TMEM178B: variants seen among roughly 807,000 people sequenced by gnomAD.
TMEM178B encodes transmembrane protein 178B.
In TMEM178B, 5 loss-of-function variants were observed where a neutral mutation model predicts 31.0. The ratio of observed to expected loss-of-function variants is 0.16; its 90% CI spans 0.08 to 0.34. TMEM178B has a LOEUF of 0.34. Ranked by LOEUF, TMEM178B falls within the 10% of genes least tolerant of loss-of-function variation. The probability of loss-of-function intolerance (pLI) is 1.00; values close to 1 mark genes in which losing one functional copy is unlikely to be tolerated. For synonymous variants in TMEM178B, 164 were observed against 164.0 expected (o/e 1.00, Z 0.00); for missense variants, 275 against 400.3 (o/e 0.69, Z 2.67).
rs1006205156 is a variant in TMEM178B, at chr7:141,437,474, T to C, written c.497-134T>C. ...TCCCTCTGCAAAGATTGTGTGCTCC[T>C]ATCTGAGAAGGGCAGGTTGCCTTCC... On this transcript the variant is annotated intron_variant, in intron 2 of 3. Transcript: ENST00000565468. 8 of 1,185,948 alleles carry C rather than the reference T, an allele frequency of 6.7e-6. No homozygotes were observed. The South Asian group carries it at 1.2e-4, about 18-fold the overall frequency. 73.5% of individuals were successfully genotyped at this position (1,185,948 alleles called of 1,614,324 possible).
chr7:141,217,478 T>C (rs1797176111), intron 2 of TMEM178B, among the ~76,000 whole-genome samples: 1 of 152,166 alleles, frequency 6.6e-6, no homozygotes, highest in South Asian at 2.1e-4. Context: ...AGCTGGGCCT[T>C]GGCTGCCCCA....
intron 2 of TMEM178B, among the ~76,000 whole-genome samples, chr7:141,281,775 G>A (rs1034105441): frequency 1.3e-5 from 2 of 152,202 alleles, no homozygotes; most frequent in South Asian, 4.1e-4. Flanking sequence ...TGTGTGCAAA[G>A]GGAGGGACAC....
At chr7:141,087,158 C>T (rs2129171774) in intron 1 of TMEM178B, among the ~76,000 whole-genome samples, 1 of 152,266 alleles carries the variant, frequency 6.6e-6, no homozygotes. Flanking sequence ...AGGAAAATTA[C>T]CAGAAAACTT....
intron 1 of TMEM178B, among the ~76,000 whole-genome samples, chr7:141,089,288 G>A (rs558186665): frequency 1.3e-5 from 2 of 152,342 alleles, no homozygotes; most frequent in South Asian, 4.1e-4. Flanking sequence ...TAAGGGATTA[G>A]CAGGCACTGG....
chr7:141,163,080 G>T (rs886395666), intron 1 of TMEM178B, among the ~76,000 whole-genome samples: 2 of 152,210 alleles, frequency 1.3e-5, no homozygotes, highest in Non-Finnish European at 2.9e-5. Flanking sequence ...TGTCTTCAGG[G>T]TGCAATAGAT....
At chr7:141,349,024 A>C (rs1167833131) in intron 2 of TMEM178B, among the ~76,000 whole-genome samples, 2 of 152,186 alleles carry the variant, frequency 1.3e-5, no homozygotes, top group African/African-American at 4.8e-5. Context: ...AAGATCAAGA[A>C]ATAACAAATA....
intron 2 of TMEM178B, among the ~76,000 whole-genome samples, chr7:141,437,202 C>T (rs1801561361): frequency 6.6e-6 from 1 of 152,176 alleles, no homozygotes; most frequent in South Asian, 2.1e-4. Context: ...GCTGGGAGTG[C>T]TAGACAGGTC....
At chr7:141,356,910 T>G (rs1799829761) in intron 2 of TMEM178B, among the ~76,000 whole-genome samples, 1 of 152,176 alleles carries the variant, frequency 6.6e-6, no homozygotes, top group Non-Finnish European at 1.5e-5. Context: ...CCATAAAATA[T>G]ATCCTAAATC....
intron 2 of TMEM178B, among the ~76,000 whole-genome samples, chr7:141,341,129 C>G (rs1176785824): frequency 6.6e-6 from 1 of 152,182 alleles, no homozygotes; most frequent in Non-Finnish European, 1.5e-5. Flanking sequence ...CTGTTTTTGA[C>G]CCCGTTTGGA....
In TMEM178B at chr7:141,458,874, G is replaced by A. The variant is rs60646192; in HGVS notation, c.635-11662G>A. ...CATGGGTGCATGCACCTGTGCGCAC[G>A]CACACACACACACATACACACAAAC... On this transcript the variant is annotated intron_variant, in intron 3 of 3. Coordinates refer to ENST00000565468, the MANE Select transcript of TMEM178B (RefSeq NM_001195278.2). Among the ~76,000 whole-genome samples, 29 of 151,542 alleles carry A rather than the reference G, an allele frequency of 1.9e-4. 1 individual carries two copies. Among genetic ancestry groups the A allele is most frequent in the Non-Finnish European group, 4.4e-5 (3 of 67,846 alleles).
chr7:141,154,885 A>G (rs998422754), intron 1 of TMEM178B, among the ~76,000 whole-genome samples: 1 of 151,910 alleles, frequency 6.6e-6, no homozygotes, highest in Non-Finnish European at 1.5e-5. Flanking sequence ...GCACACCACC[A>G]TATCTAATTA....
At chr7:141,122,539 G>T (rs557233527) in intron 1 of TMEM178B, among the ~76,000 whole-genome samples, 1 of 152,180 alleles carries the variant, frequency 6.6e-6, no homozygotes, top group African/African-American at 2.4e-5. Flanking sequence ...CCTAGGAATG[G>T]TGGTTCACCT....
chr7:141,336,011 G>A (rs764277863), intron 2 of TMEM178B, among the ~76,000 whole-genome samples: 10 of 152,152 alleles, frequency 6.6e-5, no homozygotes, highest in Non-Finnish European at 1.2e-4. Flanking sequence ...ATGAAACACC[G>A]TCTCACTACT....
the TMEM178B span, among the ~76,000 whole-genome samples, chr7:141,495,032 A>T: frequency 2.6e-5 from 4 of 152,226 alleles, no homozygotes; most frequent in African/African-American, 9.6e-5. Flanking sequence ...AGTAAAGTTT[A>T]TTAAATAGTA....
intron 1 of TMEM178B, among the ~76,000 whole-genome samples, chr7:141,079,337 A>T (rs1794647824): frequency 6.6e-6 from 1 of 152,190 alleles, no homozygotes; most frequent in Non-Finnish European, 1.5e-5. Context: ...GCCACATTTC[A>T]AATGTTCAGT....
At chr7:141,078,635 A>G (rs1229608414) in intron 1 of TMEM178B, among the ~76,000 whole-genome samples, 1 of 152,204 alleles carries the variant, frequency 6.6e-6, no homozygotes, top group Non-Finnish European at 1.5e-5. Context: ...ATGCAGAGGA[A>G]CACAGAGAAA....
chr7:141,350,297 T>C (rs1799697622), intron 2 of TMEM178B, among the ~76,000 whole-genome samples: 1 of 152,044 alleles, frequency 6.6e-6, no homozygotes, highest in Non-Finnish European at 1.5e-5. Flanking sequence ...CTCCATGCCT[T>C]TCTAATCCTT....
At chr7:141,212,486 A>G (rs1266996665) in intron 1 of TMEM178B, 105 bp from the exon 2 acceptor site, 2 of 894,814 alleles carry the variant, frequency 2.2e-6, no homozygotes, top group Non-Finnish European at 3.5e-6. Context: ...ACCAGGCCCA[A>G]TATGAAAGAA....
chr7:141,489,900 C>A, the TMEM178B span, among the ~76,000 whole-genome samples: 1 of 152,234 alleles, frequency 6.6e-6, no homozygotes, highest in South Asian at 2.1e-4. Context: ...GTGGTGCAAT[C>A]TCAAGGCTGA....
Sources: gnomAD v4.1 joint callset for allele counts (sites outside exome capture counted in the v4.1 genomes callset) on GRCh38, gnomAD v4.1.1 for gene constraint, MANE v1.5 for transcripts, NCBI Gene and HGNC (gene_info 2026-07-23, HGNC 2026-07-21) for gene names.